SLFN14: variants seen among roughly 807,000 people sequenced by gnomAD.
The protein encoded by SLFN14 is schlafen family member 14.
SLFN14 carries 47 observed loss-of-function variants against 58.6 expected under a neutral mutation model. The observed-to-expected ratio is 0.80, with a 90% confidence interval of 0.64 to 1.02. The LOEUF (loss-of-function observed/expected upper bound fraction) is 1.02, where lower values mean the gene tolerates loss of function less well. Ranked by LOEUF, SLFN14 falls within the 50% of genes least tolerant of loss-of-function variation. The probability of loss-of-function intolerance (pLI) is 0.00; values close to 1 mark genes in which losing one functional copy is unlikely to be tolerated. For missense variants in SLFN14, 967 were observed against 1,078.4 expected, an observed-to-expected ratio of 0.90 and a Z score of 1.45; for synonymous variants, 390 against 387.3, an observed-to-expected ratio of 1.01 and a Z score of -0.08.
At chr17:35,549,701 G>A (rs1015674372) in intron 5 of SLFN14, among the ~76,000 whole-genome samples, 2 of 152,074 alleles carry the variant, frequency 1.3e-5, no homozygotes, top group African/African-American at 2.4e-5. Flanking sequence ...TTTTCTGAAC[G>A]AATTTGGTTG....
In SLFN14 at chr17:35,548,753, A is replaced by G. The variant is rs1000117842; in HGVS notation, c.2225T>C (p.Met742Thr). 1.9e-6 allele frequency: 3 copies of G among 1,551,652 alleles called. No individual in the cohort carries two copies. Among genetic ancestry groups the G allele is most frequent in the Middle Eastern group, 1.7e-4 (1 of 5,992 alleles). Reference protein sequence around the residue: ...IHCALEIAKVMKEEMKRIKEN... With the variant: ...IHCALEIAKVTKEEMKRIKEN... The stretch of plus-strand genomic sequence containing the variant: ...TTTGATCCTCTTCATTTCTTCTTTC[A>G]TAACCTTCGCTATTTCCAGAGCACA... Residue 742 changes from methionine (M) to threonine (T), a missense_variant, in exon 6 of 6, where the codon ATG becomes ACG. Coordinates refer to ENST00000674182, the MANE Select transcript of SLFN14 (RefSeq NM_001129820.2).
intron 5 of SLFN14, among the ~76,000 whole-genome samples, chr17:35,552,324 G>T (rs2072597817): frequency 6.6e-6 from 1 of 152,078 alleles, no homozygotes. Flanking sequence ...AAGCCTAGCT[G>T]GGAAGGTGAC....
rs1460631140 is a variant in SLFN14 at position 35,548,024 on chromosome 17, T to C, written c.*215A>G. ...GAGACAGGGGACTAATGAAGTCTATTGTAATTGTATAGGTAGGAGGTGAAG... is the reference window on the plus strand; with the variant it reads ...GAGACAGGGGACTAATGAAGTCTATCGTAATTGTATAGGTAGGAGGTGAAG... On this transcript the variant is annotated 3_prime_UTR_variant, in exon 6 of 6. Transcript: ENST00000674182. 1.8e-6 allele frequency: 1 copy of C among 571,360 alleles called. No homozygotes were observed. The highest frequency in any genetic ancestry group is 3.1e-6 in the Non-Finnish European group (1 of 321,614). The allele number at this position is 571,360 out of a possible 1,614,324, so 35.4% of individuals were successfully genotyped here.
intron 4 of SLFN14, among the ~76,000 whole-genome samples, chr17:35,553,686 T>C (rs945134882): frequency 2.0e-5 from 3 of 152,172 alleles, no homozygotes; most frequent in Non-Finnish European, 2.9e-5. Flanking sequence ...TCACCCAGAC[T>C]GGAGTGCAGT....
rs1472391871 is a variant in SLFN14 at position 35,553,463 on chromosome 17, G to C, written c.1190-19C>G. The C allele has an allele frequency of 3.3e-6, 5 of 1,495,504 alleles. No individual in the cohort carries two copies. The highest frequency in any genetic ancestry group is 4.5e-6 in the Non-Finnish European group (5 of 1,117,756). The allele number at this position is 1,495,504 out of a possible 1,614,324, so 92.6% of individuals were successfully genotyped here. A position where few individuals can be genotyped will look rare whatever the true frequency, so the allele number is the denominator to read the frequency against. On this transcript the variant is annotated intron_variant, in intron 4 of 5. Coordinates refer to ENST00000674182, the MANE Select transcript of SLFN14 (RefSeq NM_001129820.2). ...TGTGTCACTGAAAATTCAAGGAATA[G>C]ATGTTACCAAAACTTACAAAAGCAT... is the stretch of plus-strand genomic sequence containing the variant.
Position 35,552,714 on chromosome 17 carries a change from T to C in SLFN14, c.1904+16A>G. 6.6e-7 allele frequency: 1 copy of C among 1,519,638 alleles called. No individual in the cohort carries two copies. Among genetic ancestry groups the C allele is most frequent in the Non-Finnish European group, 8.8e-7 (1 of 1,133,036 alleles). The allele number at this position is 1,519,638 out of a possible 1,614,324, so 94.1% of individuals were successfully genotyped here. A position where few individuals can be genotyped will look rare whatever the true frequency, so the allele number is the denominator to read the frequency against. On this transcript the variant is annotated intron_variant, in intron 5 of 5. Transcript: ENST00000674182. The stretch of plus-strand genomic sequence containing the variant: ...CATACATATTTTTGTGTGTGTGTAG[T>C]TGGTAAAACTCTTACGTCACAAAAT...
rs543711972 is a variant in SLFN14, at chr17:35,547,720, A to G, written c.*519T>C. ...AGTCAATTGGCTACTTTTGAGACCT[A>G]TGCAGTCAAAGTAACCAGCCTGGAG... On this transcript the variant is annotated 3_prime_UTR_variant, in exon 6 of 6. Transcript: ENST00000674182. Among the ~76,000 whole-genome samples, 1 of 152,308 alleles carries G rather than the reference A, an allele frequency of 6.6e-6. No individual in the cohort carries two copies. Among genetic ancestry groups the G allele is most frequent in the Admixed American group, 6.5e-5 (1 of 15,292 alleles).
At position 35,548,965 on chromosome 17, in the gene SLFN14, A is replaced by G; in HGVS notation, c.2013T>C (p.Tyr671=). 1 of 1,551,714 alleles carries G rather than the reference A, an allele frequency of 6.4e-7. No homozygotes were observed. The highest frequency in any genetic ancestry group is 1.2e-5 in the South Asian group (1 of 84,068). Reference sequence around the variant, plus strand: ...TCTTAGCCTTCATGTACCAATTGCCATATTTGCTGCAGAAATTCTCAGTCT... The same window carrying G: ...TCTTAGCCTTCATGTACCAATTGCCGTATTTGCTGCAGAAATTCTCAGTCT... ...MDETENFCSK[Y]GNWYMKAKNI... is the part of the protein sequence containing the mutation. The change falls in exon 6 of 6, where the codon TAT becomes TAC. Residue 671 remains tyrosine, a synonymous_variant. Transcript: ENST00000674182.
Position 35,554,574 on chromosome 17 carries a change from A to G in SLFN14, c.1189+2T>C. 6.6e-7 allele frequency: 1 copy of G among 1,524,310 alleles called. No individual in the cohort carries two copies. The highest frequency in any genetic ancestry group is 2.5e-5 in the East Asian group (1 of 39,472). 94.4% of individuals were successfully genotyped at this position (1,524,310 alleles called of 1,614,324 possible). ...CCCTAAGTTGAAATCAAGAGGGAAT[A>G]CCTGGAAACAAATGTCGTTGCAGAG... On this transcript the variant is annotated splice_donor_variant, in intron 4 of 5. Transcript: ENST00000674182. LOFTEE classifies it high-confidence loss of function.
chr17:35,556,314 G>A (rs373106329), intron 3 of SLFN14, among the ~76,000 whole-genome samples: 64 of 152,194 alleles, frequency 4.2e-4, no homozygotes, highest in African/African-American at 1.3e-3. Flanking sequence ...CTAGGACTGC[G>A]CCCAGCCTCA....
chr17:35,548,360 C>T lies in SLFN14; in HGVS notation c.2618G>A (p.Arg873Lys). ...TGGACTAAGCCCAAACACGACAGTC[C>T]TCTCCAGGCCTGAAAATTGCTGAAT... ...DSIQQFSGLE[R>K]TVVFGLSPEC... The change falls in exon 6 of 6, where the codon AGG (arginine) becomes AAG (lysine). Residue 873 changes from arginine (R) to lysine (K), a missense_variant. Physicochemically the swap from Arg to Lys is conservative, Grantham distance 26. Coordinates refer to ENST00000674182, the MANE Select transcript of SLFN14 (RefSeq NM_001129820.2). 1 of 1,551,708 alleles carries T rather than the reference C, an allele frequency of 6.4e-7. No individual in the cohort carries two copies. The highest frequency in any genetic ancestry group is 8.7e-7 in the Non-Finnish European group (1 of 1,146,994).
chr17:35,548,788 A>G lies in SLFN14; in HGVS notation c.2190T>C (p.Ser730=), dbSNP rs2072557308. The change falls in exon 6 of 6, where the codon AGT becomes AGC. Residue 730 remains serine, a synonymous_variant. Transcript: ENST00000674182. ...SAQFPRKTIT[S]GIHCALEIAK... ...CTATTTCCAGAGCACAGTGGATCCCACTGGTGATTGTTTTTCGAGGAAACT... is the reference window on the plus strand; with the variant it reads ...CTATTTCCAGAGCACAGTGGATCCCGCTGGTGATTGTTTTTCGAGGAAACT... 1 of 1,551,542 alleles carries G rather than the reference A, an allele frequency of 6.4e-7. No homozygotes were observed. The highest frequency in any genetic ancestry group is 8.7e-7 in the Non-Finnish European group (1 of 1,146,874).
At chr17:35,550,176 C>T (rs1344886849) in intron 5 of SLFN14, among the ~76,000 whole-genome samples, 1 of 152,200 alleles carries the variant, frequency 6.6e-6, no homozygotes, top group Non-Finnish European at 1.5e-5. Context: ...ATTCACTTCT[C>T]CTGCTGACTT....
chr17:35,560,033 GC>G (rs2072686112), intron 1 of SLFN14, among the ~76,000 whole-genome samples: 1 of 152,138 alleles, frequency 6.6e-6, no homozygotes, highest in Non-Finnish European at 1.5e-5. Context: ...CCAACAAGTT[GC>G]AAACCTCCAG....
At chr17:35,555,096 G>A (rs2072638626) in intron 3 of SLFN14, among the ~76,000 whole-genome samples, 1 of 152,202 alleles carries the variant, frequency 6.6e-6, no homozygotes, top group East Asian at 1.9e-4. Context: ...GTGTTGGCCA[G>A]ATGTGATGGC....
At chr17:35,549,329 T>TA (rs1468393647) in intron 5 of SLFN14, among the ~76,000 whole-genome samples, 1 of 152,258 alleles carries the variant, frequency 6.6e-6, no homozygotes, top group African/African-American at 2.4e-5. Context: ...TAACAGATTG[T>TA]ATTATGTCTA....
Position 35,557,940 on chromosome 17 carries a change from C to G in SLFN14, c.123G>C (p.Glu41Asp). 3 of 1,551,644 alleles carry G rather than the reference C, an allele frequency of 1.9e-6. No individual in the cohort carries two copies. The highest frequency in any genetic ancestry group is 1.7e-6 in the Non-Finnish European group (2 of 1,146,988). ...KMTNSCLKRS[E>D]NSRIIRAICA... ...ATATAGCCCGGATAATTCTAGAATTCTCAGATCTTTTCAAACAGCTGTTGG... is the reference window on the plus strand; with the variant it reads ...ATATAGCCCGGATAATTCTAGAATTGTCAGATCTTTTCAAACAGCTGTTGG... The change falls in exon 3 of 6, where the codon GAG becomes GAC. Residue 41 changes from glutamate to aspartate, a missense_variant. Glu to Asp is a conservative substitution (Grantham distance 45). Coordinates refer to ENST00000674182, the MANE Select transcript of SLFN14 (RefSeq NM_001129820.2).
At chr17:35,558,874 A>G (rs1201637254) in intron 2 of SLFN14, among the ~76,000 whole-genome samples, 5 of 152,132 alleles carry the variant, frequency 3.3e-5, no homozygotes, top group Non-Finnish European at 7.3e-5. Flanking sequence ...GAACTAAGGA[A>G]GTATAATTTT....
In SLFN14 at chr17:35,552,627, CATATATATACATAT is replaced by C. The variant is rs1286985462; in HGVS notation, c.1904+89_1904+102del. 5.6e-5 allele frequency: 20 copies of C among 358,690 alleles called. 3 individuals are homozygous for C. The highest frequency in any genetic ancestry group is 6.2e-5 in the East Asian group (1 of 16,190). The allele number at this position is 358,690 out of a possible 1,614,324, so 22.2% of individuals were successfully genotyped here. A position where few individuals can be genotyped will look rare whatever the true frequency, so the allele number is the denominator to read the frequency against. On this transcript the variant is annotated intron_variant, in intron 5 of 5. Coordinates refer to ENST00000674182, the MANE Select transcript of SLFN14 (RefSeq NM_001129820.2). ...ATATATATATGTGTATATATATACA[CATATATATACATAT>C]ATATATACACATATATATACACATA...
Sources: gnomAD v4.1 joint callset for allele counts (sites outside exome capture counted in the v4.1 genomes callset) on GRCh38, gnomAD v4.1.1 for gene constraint, MANE v1.5 for transcripts, NCBI Gene and HGNC (gene_info 2026-07-23, HGNC 2026-07-21) for gene names.